The following KATNAL1 variants were observed in gnomAD, a reference collection of about 807,000 sequenced individuals.
KATNAL1 encodes katanin catalytic subunit A1 like 1.
Under a neutral mutation model 55.2 loss-of-function variants are expected in KATNAL1, and 32 were observed. That is an observed-to-expected ratio of 0.58 (90% CI 0.44 to 0.78). The LOEUF is 0.78. Among genes scored for constraint, KATNAL1 ranks in the 30% least tolerant of loss-of-function variants. The pLI is 0.00. For missense variants in KATNAL1, 466 were observed against 600.9 expected, an observed-to-expected ratio of 0.78 and a Z score of 2.35; for synonymous variants, 193 against 193.6, an observed-to-expected ratio of 1.00 and a Z score of 0.02.
chr13:30,299,994 C>A (rs1052754459), intron 1 of KATNAL1, among the ~76,000 whole-genome samples: 3 of 152,062 alleles, frequency 2.0e-5, no homozygotes, highest in Admixed American at 2.0e-4. Flanking sequence ...CACACACACA[C>A]ACATTCTCTC....
At chr13:30,281,280 A>T (rs1404150494) in intron 2 of KATNAL1, among the ~76,000 whole-genome samples, 1 of 152,122 alleles carries the variant, frequency 6.6e-6, no homozygotes, top group Non-Finnish European at 1.5e-5. Context: ...GAACATATGA[A>T]GGAGTTACAG....
chr13:30,286,228 G>A (rs953061852), intron 1 of KATNAL1, among the ~76,000 whole-genome samples: 2 of 152,204 alleles, frequency 1.3e-5, no homozygotes, highest in African/African-American at 2.4e-5. Context: ...AGACAATGGG[G>A]AAAATGCCTC....
intron 3 of KATNAL1, among the ~76,000 whole-genome samples, chr13:30,266,597 T>C (rs1379904091): frequency 2.6e-5 from 4 of 152,210 alleles, no homozygotes; most frequent in East Asian, 1.9e-4. Flanking sequence ...TAAAGTGGAA[T>C]TGCATGCATG....
intron 9 of KATNAL1, among the ~76,000 whole-genome samples, chr13:30,220,821 G>T (rs1316347153): frequency 6.6e-6 from 1 of 151,638 alleles, no homozygotes; most frequent in Admixed American, 6.6e-5. Flanking sequence ...TGCCTCAGCC[G>T]CCTGAGTAGC....
intron 9 of KATNAL1, among the ~76,000 whole-genome samples, chr13:30,216,067 T>C (rs1874197558): frequency 6.6e-6 from 1 of 152,202 alleles, no homozygotes; most frequent in Non-Finnish European, 1.5e-5. Context: ...GGCAGCCTTA[T>C]ATGTGGTATA....
chr13:30,265,116 C>T (rs1364883817), intron 3 of KATNAL1, among the ~76,000 whole-genome samples: 2 of 150,726 alleles, frequency 1.3e-5, no homozygotes, highest in Admixed American at 6.6e-5. Context: ...AGTAAACTAT[C>T]GCAAGAACAA....
intron 1 of KATNAL1, among the ~76,000 whole-genome samples, chr13:30,293,469 T>C (rs1458689530): frequency 6.6e-6 from 1 of 152,148 alleles, no homozygotes; most frequent in Admixed American, 6.5e-5. Context: ...AGTCAGTACT[T>C]TAATCACTAT....
At chr13:30,263,873 T>G (rs1293898285) in intron 3 of KATNAL1, among the ~76,000 whole-genome samples, 1 of 148,616 alleles carries the variant, frequency 6.7e-6, no homozygotes, top group East Asian at 2.0e-4. Context: ...TGGAAAAAAC[T>G]ACTTTAAAGT....
intron 9 of KATNAL1, among the ~76,000 whole-genome samples, chr13:30,224,509 G>C (rs1233450549): frequency 6.6e-6 from 1 of 151,526 alleles, no homozygotes; most frequent in East Asian, 1.9e-4. Flanking sequence ...ACTCCAGCCT[G>C]GGTAACAGAG....
At chr13:30,238,552 C>A (rs1876925692) in intron 6 of KATNAL1, among the ~76,000 whole-genome samples, 1 of 152,208 alleles carries the variant, frequency 6.6e-6, no homozygotes, top group Admixed American at 6.5e-5. Context: ...TCCTACATCT[C>A]CAAAATGTCT....
chr13:30,263,913 G>T (rs1435144640), intron 3 of KATNAL1, among the ~76,000 whole-genome samples: 1 of 149,750 alleles, frequency 6.7e-6, no homozygotes, highest in African/African-American at 2.5e-5. Flanking sequence ...AGCCCACATC[G>T]CAAAGTCAAT....
At chr13:30,287,000 T>C (rs1236705025) in intron 1 of KATNAL1, among the ~76,000 whole-genome samples, 1 of 152,256 alleles carries the variant, frequency 6.6e-6, no homozygotes, top group African/African-American at 2.4e-5. Flanking sequence ...ACAGGTATAT[T>C]TACCCAATGC....
chr13:30,274,907 GCACACACACACACACACACACACACACA>G (rs368435407), intron 3 of KATNAL1, among the ~76,000 whole-genome samples: 1 of 105,390 alleles, frequency 9.5e-6, no homozygotes, highest in African/African-American at 4.1e-5. Context: ...GCGCGCGCGC[GCACACACACACACACACACACACACACA>G]CACACACACA....
At chr13:30,269,240 C>A in intron 3 of KATNAL1, among the ~76,000 whole-genome samples, 1 of 152,190 alleles carries the variant, frequency 6.6e-6, no homozygotes, top group East Asian at 1.9e-4. Flanking sequence ...CGCAGCCACG[C>A]CTGACTGGTT....
intron 4 of KATNAL1, among the ~76,000 whole-genome samples, chr13:30,244,350 C>A (rs550473915): frequency 6.6e-6 from 1 of 152,204 alleles, no homozygotes; most frequent in East Asian, 1.9e-4. Flanking sequence ...TGGGTTGGTT[C>A]CAAGTCTTTG....
At position 30,231,295 on chromosome 13, in the gene KATNAL1, T is replaced by C; in HGVS notation, c.885+19A>G. The C allele has an allele frequency of 1.9e-6, 3 of 1,592,398 alleles. No individual in the cohort carries two copies. The highest frequency in any genetic ancestry group is 2.6e-6 in the Non-Finnish European group (3 of 1,168,648). On this transcript the variant is annotated intron_variant, in intron 7 of 10. Coordinates refer to ENST00000380615, the MANE Select transcript of KATNAL1 (RefSeq NM_032116.5). ...GGCCTACACACACTACTTTGAAATCTGAATATATCGTCACTCACCATCTCA... is the reference window on the plus strand; with the variant it reads ...GGCCTACACACACTACTTTGAAATCCGAATATATCGTCACTCACCATCTCA...
rs113452796 is a variant in KATNAL1, at chr13:30,287,439, T to G, written c.-14-3648A>C. On this transcript the variant is annotated intron_variant, in intron 1 of 10. Transcript: ENST00000380615. The stretch of plus-strand genomic sequence containing the variant: ...CCCTGTGAAGAGGTGCCTTCCGCCA[T>G]GATTGTAAGTTTCCTGCGGCCTCCC... Among the ~76,000 whole-genome samples, 1,319 of 152,354 alleles carry G rather than the reference T, an allele frequency of 8.7e-3. 28 individuals are homozygous for G. The highest frequency in any genetic ancestry group is 0.03 in the African/African-American group (1,258 of 41,584).
At chr13:30,272,826 T>C (rs1278854800) in intron 3 of KATNAL1, among the ~76,000 whole-genome samples, 1 of 152,188 alleles carries the variant, frequency 6.6e-6, no homozygotes, top group East Asian at 1.9e-4. Flanking sequence ...CCTCCCACCC[T>C]TGGAACACAC....
intron 6 of KATNAL1, among the ~76,000 whole-genome samples, 189 bp downstream of exon 6, chr13:30,240,271 C>T (rs575709562): frequency 3.3e-5 from 5 of 152,342 alleles, no homozygotes; most frequent in African/African-American, 1.2e-4. Context: ...ACACTCCAAG[C>T]CCATCTCTCC....
Sources: allele counts gnomAD v4.1 joint callset (sites outside exome capture counted in the v4.1 genomes callset), GRCh38; gene constraint gnomAD v4.1.1; transcripts MANE v1.5; gene names NCBI Gene and HGNC (gene_info 2026-07-23, HGNC 2026-07-21).